Variants in TMEM163 observed in about 807,000 individuals in gnomAD.
The protein encoded by TMEM163 is transmembrane protein 163.
Under a neutral mutation model 29.3 loss-of-function variants are expected in TMEM163, and 17 were observed. That is an observed-to-expected ratio of 0.58 (90% CI 0.40 to 0.87). The LOEUF is 0.87. Ranked by LOEUF, TMEM163 falls within the 40% of genes least tolerant of loss-of-function variation. The pLI is 0.00. For synonymous variants in TMEM163, 157 were observed against 160.6 expected (o/e 0.98, Z 0.17); for missense variants, 303 against 381.5 (o/e 0.79, Z 1.71).
rs768273755 is a variant in TMEM163 at position 134,502,910 on chromosome 2, G to A, written c.546C>T (p.Leu182=). 5 of 1,613,590 alleles carry A rather than the reference G, an allele frequency of 3.1e-6. No homozygotes were observed. In the East Asian group the frequency reaches 8.9e-5, roughly 29 times the overall value. ...KAIHDLSTRL[L]PEVDDFLFSV... ...AGAAGAAGGACCTTACCACTTCTGG[G>A]AGCAGCCTAGTTGAGAGGTCATGGA... The change falls in exon 5 of 8, where the codon CTC becomes CTT. Residue 182 remains leucine (L), a synonymous_variant. Coordinates refer to ENST00000281924, the MANE Select transcript of TMEM163 (RefSeq NM_030923.5).
intron 2 of TMEM163, among the ~76,000 whole-genome samples, chr2:134,569,485 C>A (rs1681373955): frequency 6.6e-6 from 1 of 152,180 alleles, no homozygotes; most frequent in African/African-American, 2.4e-5. Context: ...TTGGAAAACA[C>A]ATATAAATGA....
intron 2 of TMEM163, among the ~76,000 whole-genome samples, chr2:134,704,545 G>A (rs1353556006): frequency 6.6e-6 from 1 of 152,160 alleles, no homozygotes; most frequent in African/African-American, 2.4e-5. Context: ...CTCCCTGCAG[G>A]TGTTCTTCCT....
At chr2:134,550,538 T>C (rs748599597) in intron 4 of TMEM163, 32 bp downstream of exon 4, 5 of 1,608,760 alleles carry the variant, frequency 3.1e-6, no homozygotes, top group Non-Finnish European at 4.3e-6. Context: ...GCACGGGTTC[T>C]TCAGCCTGGA....
chr2:134,465,189 TAA>T (rs1181405890), intron 6 of TMEM163, among the ~76,000 whole-genome samples: 6 of 117,712 alleles, frequency 5.1e-5, no homozygotes, highest in Middle Eastern at 4.7e-3. Context: ...TCCGCATCTT[TAA>T]AAAAAAAAAA....
intron 2 of TMEM163, among the ~76,000 whole-genome samples, chr2:134,582,648 C>T (rs912772437): frequency 1.3e-5 from 2 of 152,160 alleles, no homozygotes; most frequent in African/African-American, 4.8e-5. Flanking sequence ...TAGGTCCTGC[C>T]ATGTGATTCT....
intron 2 of TMEM163, among the ~76,000 whole-genome samples, chr2:134,622,515 G>A (rs1243200300): frequency 6.6e-6 from 1 of 152,178 alleles, no homozygotes; most frequent in Admixed American, 6.5e-5. Context: ...GCTTCAGTGT[G>A]CATAAGACAA....
At position 134,669,818 on chromosome 2, in the gene TMEM163, T is replaced by C. The variant is rs887402027; in HGVS notation, c.322+43382A>G. ...ACGTCTGGCAACTGCAAGGCCACCATGCTAGAGGGATGAGGTGGAAAGACT... is the reference window on the plus strand; with the variant it reads ...ACGTCTGGCAACTGCAAGGCCACCACGCTAGAGGGATGAGGTGGAAAGACT... On this transcript the variant is annotated intron_variant, in intron 2 of 7. Transcript: ENST00000281924. 2.0e-5 allele frequency among the ~76,000 whole-genome samples: 3 copies of C among 152,256 alleles called. No individual in the cohort carries two copies. The East Asian group carries it at 5.8e-4, about 29-fold the overall frequency.
At chr2:134,664,951 G>A (rs1467648992) in intron 2 of TMEM163, among the ~76,000 whole-genome samples, 2 of 151,950 alleles carry the variant, frequency 1.3e-5, no homozygotes, top group Admixed American at 6.6e-5. Context: ...GTGCAGTCTC[G>A]GTTCACGAAT....
At chr2:134,688,390 C>T (rs1394750034) in intron 2 of TMEM163, among the ~76,000 whole-genome samples, 2 of 151,896 alleles carry the variant, frequency 1.3e-5, no homozygotes, top group African/African-American at 4.8e-5. Flanking sequence ...GGTGGGTGTA[C>T]CGAATACACA....
At chr2:134,609,899 C>G (rs1034916113) in intron 2 of TMEM163, among the ~76,000 whole-genome samples, 3 of 151,798 alleles carry the variant, frequency 2.0e-5, no homozygotes, top group Non-Finnish European at 2.9e-5. Context: ...GGACAGACCC[C>G]GAGAACTGTG....
chr2:134,574,132 A>G (rs1681494395), intron 2 of TMEM163, among the ~76,000 whole-genome samples: 1 of 152,226 alleles, frequency 6.6e-6, no homozygotes, highest in South Asian at 2.1e-4. Flanking sequence ...ATACTACCAA[A>G]CACCGTAGCA....
intron 2 of TMEM163, among the ~76,000 whole-genome samples, chr2:134,680,729 G>A (rs1684211751): frequency 6.6e-6 from 1 of 152,166 alleles, no homozygotes; most frequent in Admixed American, 6.5e-5. Context: ...CAGAAAGTTT[G>A]GGACAGACAG....
chr2:134,530,168 G>A (rs575385813), intron 4 of TMEM163, among the ~76,000 whole-genome samples: 7 of 152,286 alleles, frequency 4.6e-5, no homozygotes, highest in African/African-American at 1.7e-4. Flanking sequence ...AAAAGTTCAT[G>A]CTAGAAATGC....
intron 2 of TMEM163, among the ~76,000 whole-genome samples, chr2:134,569,434 T>C (rs1480870064): frequency 6.6e-6 from 1 of 152,168 alleles, no homozygotes; most frequent in Non-Finnish European, 1.5e-5. Context: ...GCGAGAGTTA[T>C]GTCAAAGATT....
At chr2:134,467,594 T>A (rs984317949) in intron 5 of TMEM163, 1 of 152,070 alleles carries the variant, frequency 6.6e-6, no homozygotes, top group Admixed American at 6.5e-5. Context: ...CGTGTCAAGG[T>A]CATGAAACAT....
intron 5 of TMEM163, among the ~76,000 whole-genome samples, chr2:134,487,514 C>A (rs1679340878): frequency 1.3e-5 from 2 of 152,184 alleles, no homozygotes; most frequent in Non-Finnish European, 2.9e-5. Context: ...TCACACAACA[C>A]CCCAACAGGA....
chr2:134,594,851 GTCTCTC>G (rs70973456), intron 2 of TMEM163, among the ~76,000 whole-genome samples: 72,409 of 147,808 alleles, frequency 0.49, 18,887 homozygotes, highest in Non-Finnish European at 0.61. Context: ...GAGACCTTGA[GTCTCTC>G]TCTCTCTCTC....
intron 2 of TMEM163, among the ~76,000 whole-genome samples, chr2:134,633,966 CATATATATATATAT>C (rs535811215): frequency 0.012 from 446 of 37,784 alleles, 4 homozygotes; most frequent in East Asian, 0.027. Context: ...AAAAAAAATA[CATATATATATATAT>C]ATATATATAT....
intron 4 of TMEM163, among the ~76,000 whole-genome samples, chr2:134,526,986 T>C (rs995356032): frequency 6.6e-6 from 1 of 152,230 alleles, no homozygotes; most frequent in African/African-American, 2.4e-5. Flanking sequence ...TCTCCCATTA[T>C]TTAGTCTAAG....
Sources: gnomAD v4.1 joint callset for allele counts (sites outside exome capture counted in the v4.1 genomes callset) on GRCh38, gnomAD v4.1.1 for gene constraint, MANE v1.5 for transcripts, NCBI Gene and HGNC (gene_info 2026-07-23, HGNC 2026-07-21) for gene names.